SUMF1: variants seen among roughly 807,000 people sequenced by gnomAD.
SUMF1 encodes formylglycine-generating enzyme.
A neutral mutation model predicts 47.6 loss-of-function variants in SUMF1; 48 were observed. That is an observed-to-expected ratio of 1.01 (90% confidence interval 0.80 to 1.28). The LOEUF (loss-of-function observed/expected upper bound fraction) is 1.28, where lower values mean the gene tolerates loss of function less well. SUMF1 is among the 50% of genes most tolerant of loss of function. The pLI is 0.00. For synonymous variants in SUMF1, 230 were observed against 192.1 expected (o/e 1.20, Z -1.63); for missense variants, 571 against 485.4 (o/e 1.18, Z -1.66).
intron 8 of SUMF1, among the ~76,000 whole-genome samples, chr3:4,223,559 A>C (rs1026822601): frequency 1.3e-5 from 2 of 152,130 alleles, no homozygotes; most frequent in Admixed American, 6.6e-5. Context: ...GACATGAGAC[A>C]GAGGCCACTT....
At chr3:4,323,397 G>A (rs1380300131) in intron 8 of SUMF1, among the ~76,000 whole-genome samples, 1 of 152,190 alleles carries the variant, frequency 6.6e-6, no homozygotes, top group African/African-American at 2.4e-5. Flanking sequence ...AAGGAGTATA[G>A]GGATTGACTG....
intron 1 of SUMF1, among the ~76,000 whole-genome samples, chr3:4,457,247 T>G (rs2079686258): frequency 6.6e-6 from 1 of 151,800 alleles, no homozygotes; most frequent in African/African-American, 2.4e-5. Flanking sequence ...CAGCCAGCAT[T>G]TCTTTATACT....
At chr3:4,310,537 G>C (rs1698363076) in intron 8 of SUMF1, among the ~76,000 whole-genome samples, 1 of 152,170 alleles carries the variant, frequency 6.6e-6, no homozygotes, top group African/African-American at 2.4e-5. Flanking sequence ...AATTTTCCCA[G>C]AAGTCTCTGT....
intron 8 of SUMF1, among the ~76,000 whole-genome samples, chr3:4,100,070 AT>A: frequency 6.6e-6 from 1 of 150,586 alleles, no homozygotes; most frequent in Non-Finnish European, 1.5e-5. Flanking sequence ...AATTCTTCCA[AT>A]CCTTGGATTG....
chr3:4,310,879 G>C (rs757038350), intron 8 of SUMF1, among the ~76,000 whole-genome samples: 42 of 152,016 alleles, frequency 2.8e-4, no homozygotes, highest in Non-Finnish European at 4.7e-4. Flanking sequence ...GTTTAACAAA[G>C]AGATCTTCAT....
At chr3:4,335,240 T>A (rs1575107182) in intron 8 of SUMF1, among the ~76,000 whole-genome samples, 1 of 152,174 alleles carries the variant, frequency 6.6e-6, no homozygotes. Context: ...AACTCTTCAA[T>A]GACTTCTCAT....
intron 8 of SUMF1, among the ~76,000 whole-genome samples, chr3:4,208,591 G>A (rs2125159954): frequency 6.6e-6 from 1 of 152,032 alleles, no homozygotes; most frequent in African/African-American, 2.4e-5. Flanking sequence ...TAAGGTTAAT[G>A]GCAGAAAAGA....
chr3:4,353,642 C>A (rs1699556815), intron 8 of SUMF1, among the ~76,000 whole-genome samples: 1 of 152,098 alleles, frequency 6.6e-6, no homozygotes, highest in Non-Finnish European at 1.5e-5. Flanking sequence ...ACTGTATACT[C>A]TTAGATAATT....
At chr3:4,296,495 T>C (rs373269329) in intron 8 of SUMF1, among the ~76,000 whole-genome samples, 17 of 152,128 alleles carry the variant, frequency 1.1e-4, no homozygotes, top group African/African-American at 3.9e-4. Flanking sequence ...GGCCTCACAA[T>C]CATGGTGGAA....
chr3:4,329,850 C>T lies in SUMF1; in HGVS notation c.1014+46480G>A, dbSNP rs536206812. ...TTTCCTTCTAAACATAGTTGCAATT[C>T]CAAACCATAATTTTGTGAATATATA... On this transcript the variant is annotated intron_variant and NMD_transcript_variant, in intron 8 of 12. Transcript: ENST00000448413. 1.6e-4 allele frequency among the ~76,000 whole-genome samples: 25 copies of T among 152,110 alleles called. No homozygotes were observed. In the South Asian group the frequency reaches 4.6e-3, roughly 28 times the overall value.
chr3:4,296,856 C>T (rs150711041), intron 8 of SUMF1, among the ~76,000 whole-genome samples: 13 of 152,200 alleles, frequency 8.5e-5, no homozygotes, highest in African/African-American at 3.1e-4. Context: ...TAACAGAAAC[C>T]ACTCTGACTT....
intron 8 of SUMF1, among the ~76,000 whole-genome samples, chr3:4,256,600 G>T (rs1246953883): frequency 6.7e-6 from 1 of 149,636 alleles, no homozygotes; most frequent in Non-Finnish European, 1.5e-5. Context: ...CCAATAACAG[G>T]AGCTGAAATT....
intron 7 of SUMF1, among the ~76,000 whole-genome samples, chr3:4,379,408 GA>G: frequency 6.6e-6 from 1 of 152,352 alleles, no homozygotes; most frequent in East Asian, 1.9e-4. Flanking sequence ...GCAGGGACTG[GA>G]GTGAGGCGGC....
rs577940511 is a variant in SUMF1 at position 4,455,040 on chromosome 3, G to A, written c.271-1991C>T. On this transcript the variant is annotated intron_variant, in intron 1 of 8. Transcript: ENST00000272902. ...TAACTATATTAAAAACCACTGAATT[G>A]TACATGTTGAAAGAGTGTATTGCAT... Among the ~76,000 whole-genome samples the A allele has an allele frequency of 9.2e-5, 14 of 152,274 alleles. No homozygotes were observed. The East Asian group carries it at 2.7e-3, about 29-fold the overall frequency.
chr3:4,408,452 T>C (rs1701440667), intron 7 of SUMF1, among the ~76,000 whole-genome samples: 3 of 152,260 alleles, frequency 2.0e-5, no homozygotes, highest in South Asian at 4.1e-4. Flanking sequence ...TAATTAACTG[T>C]TTAAAAAAGA....
downstream of SUMF1, among the ~76,000 whole-genome samples, chr3:4,359,057 C>T (rs1224969243): frequency 2.6e-5 from 4 of 152,182 alleles, no homozygotes; most frequent in Non-Finnish European, 5.9e-5. Context: ...CCCCGTATGC[C>T]TCTATGTTTT....
chr3:4,396,886 T>C (rs539397262), intron 7 of SUMF1, among the ~76,000 whole-genome samples: 8 of 152,230 alleles, frequency 5.3e-5, no homozygotes, highest in Non-Finnish European at 8.8e-5. Context: ...TGAATTATTA[T>C]AGCTGTGAAA....
intron 8 of SUMF1, among the ~76,000 whole-genome samples, chr3:4,083,308 T>G (rs903831271): frequency 6.6e-6 from 1 of 152,152 alleles, no homozygotes; most frequent in African/African-American, 2.4e-5. Flanking sequence ...CTGTCCTTTT[T>G]CCAAGACACA....
chr3:4,179,254 C>G (rs944924697), intron 8 of SUMF1, among the ~76,000 whole-genome samples: 1 of 152,068 alleles, frequency 6.6e-6, no homozygotes, highest in East Asian at 1.9e-4. Flanking sequence ...AAGAACAAAG[C>G]TGGAGGCATC....
Sources: allele counts gnomAD v4.1 joint callset (sites outside exome capture counted in the v4.1 genomes callset), GRCh38; gene constraint gnomAD v4.1.1; transcripts MANE v1.5; gene names NCBI Gene and HGNC (gene_info 2026-07-23, HGNC 2026-07-21).